UBE3B: variants seen among roughly 807,000 people sequenced by gnomAD.
UBE3B encodes ubiquitin protein ligase E3B.
In UBE3B, 80 loss-of-function variants were observed where a neutral mutation model predicts 132.3. That is an observed-to-expected ratio of 0.60 (90% confidence interval 0.50 to 0.73). The LOEUF (loss-of-function observed/expected upper bound fraction) is 0.73. Ranked by LOEUF, UBE3B falls within the 30% of genes least tolerant of loss-of-function variation. The pLI, the probability that UBE3B is intolerant of heterozygous loss-of-function variation, is 0.00. For missense variants in UBE3B, 1,196 were observed against 1,362.5 expected (o/e 0.88, Z 1.92); for synonymous variants, 487 against 520.4 (o/e 0.94, Z 0.87).
chr12:109,484,451 C>T (rs1876034490), intron 4 of UBE3B, among the ~76,000 whole-genome samples: 1 of 152,044 alleles, frequency 6.6e-6, no homozygotes, highest in Non-Finnish European at 1.5e-5. Context: ...TGTGCAGTGG[C>T]GCAGTCTTGG....
intron 2 of UBE3B, among the ~76,000 whole-genome samples, chr12:109,482,004 G>A (rs1028263556): frequency 3.9e-5 from 6 of 152,140 alleles, no homozygotes; most frequent in Non-Finnish European, 8.8e-5. Flanking sequence ...GAGGTCCCTT[G>A]ATATGTTCAT....
rs751887905 is a variant in UBE3B, at chr12:109,489,969, C to T, written c.595C>T (p.His199Tyr). The T allele has an allele frequency of 1.9e-6, 3 of 1,614,226 alleles. No individual in the cohort carries two copies. The highest frequency in any genetic ancestry group is 2.5e-6 in the Non-Finnish European group (3 of 1,180,032). The change falls in exon 8 of 28, where the codon CAT becomes TAT. Residue 199 changes from histidine to tyrosine, a missense_variant. Coordinates refer to ENST00000342494, the MANE Select transcript of UBE3B (RefSeq NM_130466.4). ...CCACATTTGTGCAAATATAATGGGA[C>T]ATCTCAACCAGCATGGATTTTATTC... is the stretch of plus-strand genomic sequence containing the variant. ...MNHICANIMG[H>Y]LNQHGFYSVL...
chr12:109,539,625 C>G (rs1295786023), downstream of UBE3B, among the ~76,000 whole-genome samples: 2 of 152,240 alleles, frequency 1.3e-5, no homozygotes, highest in Non-Finnish European at 2.9e-5. Flanking sequence ...TCTGTGCCAT[C>G]TATGAGCCAT....
intron 24 of UBE3B, among the ~76,000 whole-genome samples, chr12:109,527,797 G>A (rs770028750): frequency 6.6e-6 from 1 of 152,202 alleles, no homozygotes. Context: ...TTCCTTTAGG[G>A]GGGTGCTTGT....
intron 11 of UBE3B, among the ~76,000 whole-genome samples, chr12:109,498,962 A>T (rs1878593681): frequency 6.6e-6 from 1 of 151,762 alleles, no homozygotes; most frequent in South Asian, 2.1e-4. Flanking sequence ...AGTAGCTGGG[A>T]CTACAAGCGC....
downstream of UBE3B, among the ~76,000 whole-genome samples, chr12:109,539,933 G>A (rs1883575289): frequency 6.6e-6 from 1 of 151,974 alleles, no homozygotes; most frequent in South Asian, 2.1e-4. Context: ...TGTTTTCTGA[G>A]CTGTAGGGAG....
At chr12:109,533,362 A>G (rs1883146239) in intron 26 of UBE3B, 104 bp from the exon 27 acceptor site, 11 of 1,116,338 alleles carry the variant, frequency 9.9e-6, no homozygotes, top group Non-Finnish European at 1.5e-5. Flanking sequence ...CAGCAGTTAC[A>G]ACACGGTAAC....
intron 1 of UBE3B, among the ~76,000 whole-genome samples, chr12:109,478,993 A>T (rs1348129514): frequency 1.3e-5 from 2 of 152,228 alleles, no homozygotes; most frequent in African/African-American, 4.8e-5. Context: ...TATAGAGGTA[A>T]GACAAGAGTC....
intron 9 of UBE3B, among the ~76,000 whole-genome samples, chr12:109,493,941 T>G (rs1393793312): frequency 6.6e-6 from 1 of 152,180 alleles, no homozygotes; most frequent in African/African-American, 2.4e-5. Context: ...TCCTCCCACC[T>G]CAGCCTTCCA....
intron 18 of UBE3B, among the ~76,000 whole-genome samples, chr12:109,511,528 TAC>T (rs1396037552): frequency 6.6e-6 from 1 of 152,008 alleles, no homozygotes; most frequent in Non-Finnish European, 1.5e-5. Context: ...GCAGCCCAGG[TAC>T]GGAGACCTGA....
chr12:109,509,567 A>C, intron 15 of UBE3B, 29 bp from the exon 16 acceptor site: 1 of 1,492,212 alleles, frequency 6.7e-7, no homozygotes, highest in African/African-American at 1.4e-5. Flanking sequence ...TTCAGTGTGG[A>C]ATTGTGGGTA....
rs947828029 is a variant in UBE3B at position 109,507,708 on chromosome 12, T to C, written c.1595T>C (p.Phe532Ser). 1 of 1,613,892 alleles carries C rather than the reference T, an allele frequency of 6.2e-7. No individual in the cohort carries two copies. Among genetic ancestry groups the C allele is most frequent in the Non-Finnish European group, 8.5e-7 (1 of 1,179,928 alleles). ...CAACTCTTGGCCATGCTGATGCTGT[T>C]CTGTGACTGTTCGCGGCACCTCATC... ...SKQLLAMLML[F>S]CDCSRHLITI... Residue 532 changes from phenylalanine to serine, a missense_variant, in exon 15 of 28, where the codon TTC becomes TCC. By Grantham distance (155) the Phe-to-Ser change is radical. Transcript: ENST00000342494.
chr12:109,514,047 T>C (rs1051904154), intron 18 of UBE3B, among the ~76,000 whole-genome samples: 3 of 152,258 alleles, frequency 2.0e-5, no homozygotes, highest in African/African-American at 7.2e-5. Context: ...GATTTCACTA[T>C]AATGCCTTTC....
rs980927859 is a variant in UBE3B, at chr12:109,528,318, T to G, written c.2628-1572T>G. 4 of 984,854 alleles carry G rather than the reference T, an allele frequency of 4.1e-6. No individual in the cohort carries two copies. In the African/African-American group the frequency reaches 7.0e-5, roughly 17 times the overall value. The allele number at this position is 984,854 out of a possible 1,614,324, so 61.0% of individuals were successfully genotyped here. On this transcript the variant is annotated intron_variant, in intron 24 of 27. Transcript: ENST00000342494. ...TCACCTCCTCCCTTCCTCTCCCCCTTTCTCAGTAAAGTGGAGCAGTACTCG... is the reference window on the plus strand; with the variant it reads ...TCACCTCCTCCCTTCCTCTCCCCCTGTCTCAGTAAAGTGGAGCAGTACTCG...
At chr12:109,489,736 G>T (rs547206933) in intron 7 of UBE3B, among the ~76,000 whole-genome samples, 183 bp from the exon 8 acceptor site, 1 of 152,348 alleles carries the variant, frequency 6.6e-6, no homozygotes, top group East Asian at 1.9e-4. Context: ...TACCAGGAGA[G>T]AGAGAGTTCC....
intron 8 of UBE3B, 57 bp from the exon 9 acceptor site, chr12:109,490,988 G>A: frequency 6.4e-7 from 1 of 1,571,850 alleles, no homozygotes; most frequent in South Asian, 1.1e-5. Context: ...GCTCTTTTAT[G>A]TACAAATGAA....
chr12:109,544,156 G>T, the UBE3B span, among the ~76,000 whole-genome samples: 3 of 152,278 alleles, frequency 2.0e-5, no homozygotes, highest in East Asian at 5.8e-4. Context: ...GGTCCCTGCA[G>T]CCCTTCCCAG....
In UBE3B at chr12:109,499,729, G is replaced by A. The variant is rs7298565; in HGVS notation, c.1037G>A (p.Arg346Gln). The A allele has an allele frequency of 0.52, 841,745 of 1,611,796 alleles. 224,515 individuals are homozygous for A. Among genetic ancestry groups the A allele is most frequent in the African/African-American group, 0.74 (55,170 of 74,802 alleles). Residue 346 changes from arginine to glutamine, a missense_variant, in exon 12 of 28, where the codon CGG becomes CAG. Physicochemically the swap from Arg to Gln is conservative, Grantham distance 43. Transcript: ENST00000342494. ...SLLTQTLCYC[R>Q]KYVSQKKSNL... Reference sequence around the variant, plus strand: ...CTCACCCAGACGCTGTGCTACTGTCGGAAGTATGTGTCTCAGAAGAAGTCC... The same window carrying A: ...CTCACCCAGACGCTGTGCTACTGTCAGAAGTATGTGTCTCAGAAGAAGTCC...
intron 2 of UBE3B, among the ~76,000 whole-genome samples, chr12:109,483,136 C>A (rs1875771007): frequency 6.6e-6 from 1 of 152,200 alleles, no homozygotes; most frequent in South Asian, 2.1e-4. Context: ...TTCCCAAATA[C>A]TGTGGACTAC....
Sources: allele counts gnomAD v4.1 joint callset (sites outside exome capture counted in the v4.1 genomes callset), GRCh38; gene constraint gnomAD v4.1.1; transcripts MANE v1.5; gene names NCBI Gene and HGNC (gene_info 2026-07-23, HGNC 2026-07-21).